The following MED13 variants were observed in gnomAD, a reference collection of about 807,000 sequenced individuals.
MED13 encodes the protein mediator complex subunit 13, also known as mediator of RNA polymerase II transcription subunit 13.
In MED13, 23 loss-of-function variants were observed where a neutral mutation model predicts 225.2. The ratio of observed to expected loss-of-function variants is 0.10; its 90% CI spans 0.07 to 0.14. The LOEUF is 0.14. MED13 is among the 10% of genes least tolerant of loss of function. The pLI, the probability that MED13 is intolerant of heterozygous loss-of-function variation, is 1.00. For missense variants in MED13, 2,197 were observed against 2,594.5 expected, an observed-to-expected ratio of 0.85 and a Z score of 3.33; for synonymous variants, 942 against 889.2, an observed-to-expected ratio of 1.06 and a Z score of -1.06.
At chr17:61,952,384 G>A (rs1178000288) in intron 27 of MED13, among the ~76,000 whole-genome samples, 1 of 152,122 alleles carries the variant, frequency 6.6e-6, no homozygotes, top group Non-Finnish European at 1.5e-5. Flanking sequence ...GCCCTGATAT[G>A]AATGGCTGCT....
chr17:61,966,233 A>T (rs969768615), intron 19 of MED13, among the ~76,000 whole-genome samples: 2 of 152,230 alleles, frequency 1.3e-5, no homozygotes, highest in Non-Finnish European at 2.9e-5. Flanking sequence ...CTCATTAGGG[A>T]TCAGCAAACT....
intron 8 of MED13, among the ~76,000 whole-genome samples, chr17:62,019,285 C>T (rs2080614013): frequency 6.6e-6 from 1 of 152,132 alleles, no homozygotes; most frequent in South Asian, 2.1e-4. Flanking sequence ...AGCTTTTTGG[C>T]TACTGTTTTG....
intron 20 of MED13, among the ~76,000 whole-genome samples, chr17:61,964,477 A>G (rs2080036245): frequency 6.6e-6 from 1 of 152,114 alleles, no homozygotes; most frequent in Non-Finnish European, 1.5e-5. Context: ...AGGTGGGAGG[A>G]TCACCTGAGC....
chr17:62,010,984 G>C lies in MED13; in HGVS notation c.1533C>G (p.Ile511Met). Residue 511 changes from isoleucine (I) to methionine (M), a missense_variant, in exon 9 of 30, where the codon ATC becomes ATG. Physicochemically the swap from Ile to Met is conservative, Grantham distance 10. Coordinates refer to ENST00000397786, the MANE Select transcript of MED13 (RefSeq NM_005121.3). ...GAGTCTTTGCTACATCATTAGTTCG[G>C]ATATTTGAAAATCTCACTTGACTGT... ...APDSQVRFSNIRTNDVAKTPQ... is the reference protein window; with the variant it reads ...APDSQVRFSNMRTNDVAKTPQ... 1 of 1,613,588 alleles carries C rather than the reference G, an allele frequency of 6.2e-7. No homozygotes were observed. Among genetic ancestry groups the C allele is most frequent in the Non-Finnish European group, 8.5e-7 (1 of 1,179,526 alleles).
intron 3 of MED13, 28 bp from the exon 4 acceptor site, chr17:62,035,636 A>AG (rs2080795993): frequency 6.3e-7 from 1 of 1,583,128 alleles, no homozygotes; most frequent in Non-Finnish European, 8.6e-7. Flanking sequence ...GTTTTATCTT[A>AG]GTGATGACTA....
intron 16 of MED13, among the ~76,000 whole-genome samples, chr17:61,981,597 T>C (rs1053053797): frequency 2.0e-5 from 3 of 152,222 alleles, no homozygotes; most frequent in African/African-American, 7.2e-5. Flanking sequence ...TGAAACACTC[T>C]TCCCTCATTT....
Position 61,955,364 on chromosome 17 carries a change from A to T in MED13, c.5968+18T>A. ...GGGGGGTATTCTTCAGACTACCAAAATGGAACAAATTACGTACCATTGTTG... is the reference window on the plus strand; with the variant it reads ...GGGGGGTATTCTTCAGACTACCAAATTGGAACAAATTACGTACCATTGTTG... On this transcript the variant is annotated intron_variant, in intron 26 of 29. Coordinates refer to ENST00000397786, the MANE Select transcript of MED13 (RefSeq NM_005121.3). The T allele has an allele frequency of 6.7e-7, 1 of 1,499,766 alleles. No homozygotes were observed. The highest frequency in any genetic ancestry group is 8.9e-7 in the Non-Finnish European group (1 of 1,123,992). 92.9% of individuals were successfully genotyped at this position (1,499,766 alleles called of 1,614,324 possible). A position where few individuals can be genotyped will look rare whatever the true frequency, so the allele number is the denominator to read the frequency against.
intron 8 of MED13, among the ~76,000 whole-genome samples, chr17:62,014,310 T>TTATATATA (rs79817498): frequency 5.7e-4 from 81 of 143,116 alleles, no homozygotes; most frequent in East Asian, 3.9e-3. Flanking sequence ...GTATATGTTT[T>TTATATATA]TATATATATA....
At chr17:61,975,861 C>T (rs1373046067) in intron 16 of MED13, among the ~76,000 whole-genome samples, 1 of 151,898 alleles carries the variant, frequency 6.6e-6, no homozygotes, top group East Asian at 1.9e-4. Context: ...ACTAAAAATA[C>T]AAAAATTAGC....
At chr17:62,059,619 T>C (rs2081022127) in intron 2 of MED13, among the ~76,000 whole-genome samples, 1 of 152,174 alleles carries the variant, frequency 6.6e-6, no homozygotes, top group Non-Finnish European at 1.5e-5. Flanking sequence ...AGCTGCTCTC[T>C]TCTCAGGGGA....
rs141219378 is a variant in MED13 at position 62,050,184 on chromosome 17, C to T, written c.470+2353G>A. 2.8e-3 allele frequency among the ~76,000 whole-genome samples: 430 copies of T among 151,756 alleles called. 3 individuals are homozygous for T. Among genetic ancestry groups the T allele is most frequent in the African/African-American group, 0.01 (419 of 41,392 alleles). ...GACCAGCCTAGCCAACATGGCGAAA[C>T]CTGTCTCTACTAAAAACACAAAAAT... On this transcript the variant is annotated intron_variant, in intron 3 of 29. Coordinates refer to ENST00000397786, the MANE Select transcript of MED13 (RefSeq NM_005121.3).
intron 12 of MED13, among the ~76,000 whole-genome samples, chr17:61,985,660 G>C (rs2080241273): frequency 6.6e-6 from 1 of 152,122 alleles, no homozygotes; most frequent in Non-Finnish European, 1.5e-5. Context: ...AATACAATGA[G>C]ACTCTTGTCT....
In MED13 at chr17:61,946,169, T is replaced by C; in HGVS notation, c.*299A>G. On this transcript the variant is annotated 3_prime_UTR_variant, in exon 30 of 30. Coordinates refer to ENST00000397786, the MANE Select transcript of MED13 (RefSeq NM_005121.3). ...TTAATATTCATTTAACATGACTGGG[T>C]ACTATGGCTCATTACTTTTCACAAA... 3.9e-6 allele frequency: 1 copy of C among 258,234 alleles called. No homozygotes were observed. Among genetic ancestry groups the C allele is most frequent in the Non-Finnish European group, 7.5e-6 (1 of 133,828 alleles). The allele number at this position is 258,234 out of a possible 1,614,324, so 16.0% of individuals were successfully genotyped here. A position where few individuals can be genotyped will look rare whatever the true frequency, so the allele number is the denominator to read the frequency against.
chr17:61,966,702 A>C, intron 18 of MED13, 51 bp from the exon 19 acceptor site: 1 of 1,278,524 alleles, frequency 7.8e-7, no homozygotes, highest in Non-Finnish European at 1.1e-6. Flanking sequence ...TATTGTATTT[A>C]GATACACATT....
intron 23 of MED13, among the ~76,000 whole-genome samples, chr17:61,958,696 C>T (rs1293027616): frequency 1.3e-5 from 2 of 152,020 alleles, no homozygotes; most frequent in Non-Finnish European, 2.9e-5. Context: ...TGGTCTCAAA[C>T]TCCTGACCTC....
chr17:61,956,091 A>G (rs113660633), intron 24 of MED13, among the ~76,000 whole-genome samples: 20 of 152,324 alleles, frequency 1.3e-4, no homozygotes, highest in African/African-American at 4.1e-4. Context: ...GATGAGTTAA[A>G]TAACAATCAG....
chr17:61,992,951 G>A (rs984261684), intron 10 of MED13, among the ~76,000 whole-genome samples: 1 of 152,108 alleles, frequency 6.6e-6, no homozygotes, highest in African/African-American at 2.4e-5. Context: ...ATTTTTAGTA[G>A]AGATGTGGTT....
Position 62,063,230 on chromosome 17 carries a change from A to G in MED13, c.138T>C (p.Pro46=). 1.2e-6 allele frequency: 2 copies of G among 1,614,180 alleles called. No individual in the cohort carries two copies. The highest frequency in any genetic ancestry group is 1.7e-6 in the Non-Finnish European group (2 of 1,180,016). ...QGPTSAPILF[P]VTEEDPILSS... is the part of the protein sequence containing the mutation. ...TCAAAATGGGGTCTTCTTCTGTCAC[A>G]GGAAACAGAATAGGGGCAGAAGTTG... Residue 46 remains proline, a synonymous_variant, in exon 2 of 30, where the codon CCT becomes CCC. Coordinates refer to ENST00000397786, the MANE Select transcript of MED13 (RefSeq NM_005121.3).
intron 14 of MED13, 45 bp from the exon 15 acceptor site, chr17:61,984,412 A>T (rs764749292): frequency 1.4e-6 from 2 of 1,387,086 alleles, no homozygotes; most frequent in Non-Finnish European, 9.7e-7. Context: ...ATCTTCTAGG[A>T]GGAAAAAATA....
Sources: allele counts gnomAD v4.1 joint callset (sites outside exome capture counted in the v4.1 genomes callset), GRCh38; gene constraint gnomAD v4.1.1; transcripts MANE v1.5; gene names NCBI Gene and HGNC (gene_info 2026-07-23, HGNC 2026-07-21).